The following ACR variants were observed in gnomAD, a reference collection of about 807,000 sequenced individuals.
ACR encodes acrosin light and heavy chain prepropeptide.
ACR carries 17 observed loss-of-function variants against 26.0 expected under a neutral mutation model. The ratio of observed to expected loss-of-function variants is 0.65; its 90% confidence interval spans 0.45 to 0.98. The LOEUF is 0.98. ACR is among the 50% of genes least tolerant of loss of function. The pLI, the probability that ACR is intolerant of heterozygous loss-of-function variation, is 0.00. For synonymous variants in ACR, 199 were observed against 207.7 expected, an observed-to-expected ratio of 0.96 and a Z score of 0.36; for missense variants, 435 against 519.3, an observed-to-expected ratio of 0.84 and a Z score of 1.58.
rs1064736 is a variant in ACR, at chr22:50,744,173, G to C, written c.678G>C (p.Ala226=). Residue 226 remains alanine, a synonymous_variant, in exon 4 of 5, where the codon GCG becomes GCC. Coordinates refer to ENST00000216139, the MANE Select transcript of ACR (RefSeq NM_001097.3). ...NGRVQPTNVC[A]GYPVGKIDTC... The stretch of plus-strand genomic sequence containing the variant: ...GCGTTCAGCCAACCAATGTGTGCGC[G>C]GGGTATCCTGTAGGCAAGATCGACA... 12 of 1,613,712 alleles carry C rather than the reference G, an allele frequency of 7.4e-6. No individual in the cohort carries two copies. Among genetic ancestry groups the C allele is most frequent in the Admixed American group, 1.7e-5 (1 of 60,004 alleles).
chr22:50,743,278 G>A (rs1020156327), intron 3 of ACR, among the ~76,000 whole-genome samples: 31 of 152,096 alleles, frequency 2.0e-4, no homozygotes, highest in Non-Finnish European at 1.2e-4. Flanking sequence ...CTCGTGATCC[G>A]CCCGCCTCGG....
chr22:50,743,883 C>T (rs992460071), intron 3 of ACR, among the ~76,000 whole-genome samples, 178 bp from the exon 4 acceptor site: 1 of 152,182 alleles, frequency 6.6e-6, no homozygotes, highest in African/African-American at 2.4e-5. Flanking sequence ...CATTTCCCCA[C>T]CTCCTCCCAC....
intron 3 of ACR, 43 bp downstream of exon 3, chr22:50,740,020 TCTC>T (rs1269783984): frequency 6.8e-6 from 11 of 1,610,372 alleles, no homozygotes; most frequent in Non-Finnish European, 9.3e-6. Flanking sequence ...TGCTGGCCAT[TCTC>T]CTGGTGGTCT....
chr22:50,741,716 C>T (rs2083425284), intron 3 of ACR, among the ~76,000 whole-genome samples: 1 of 151,488 alleles, frequency 6.6e-6, no homozygotes, highest in African/African-American at 2.4e-5. Flanking sequence ...CCCTTCAAAC[C>T]TTCCATGTCT....
chr22:50,745,188 A>T lies in ACR; in HGVS notation c.1247A>T (p.Glu416Val), dbSNP rs2083445154. ...HYDMETTELP[E>V]LTSTS is the part of the protein sequence containing the mutation. ...GACATGGAGACCACAGAGCTCCCAG[A>T]ACTGACCTCGACCTCCTGATCTGAC... Residue 416 changes from glutamate (E) to valine (V), a missense_variant, in exon 5 of 5, where the codon GAA becomes GTA. Around this residue, in one of 3 missense-constraint regions of ACR, gnomAD observed 92 missense variants for 87.8 expected, o/e 1.05. Coordinates refer to ENST00000216139, the MANE Select transcript of ACR (RefSeq NM_001097.3). 1 of 1,059,100 alleles carries T rather than the reference A, an allele frequency of 9.4e-7. No homozygotes were observed. The highest frequency in any genetic ancestry group is 1.3e-6 in the Non-Finnish European group (1 of 756,972). The allele number at this position is 1,059,100 out of a possible 1,614,324, so 65.6% of individuals were successfully genotyped here. A position where few individuals can be genotyped will look rare whatever the true frequency, so the allele number is the denominator to read the frequency against.
At chr22:50,743,741 G>A (rs2083436982) in intron 3 of ACR, among the ~76,000 whole-genome samples, 1 of 152,246 alleles carries the variant, frequency 6.6e-6, no homozygotes, top group East Asian at 1.9e-4. Context: ...TGCACACTAG[G>A]TGTTATTGGT....
Position 50,739,767 on chromosome 22 carries a change from C to T in ACR, c.355C>T (p.Pro119Ser), listed in dbSNP as rs2083415972. 1 of 1,583,914 alleles carries T rather than the reference C, an allele frequency of 6.3e-7. No homozygotes were observed. Among genetic ancestry groups the T allele is most frequent in the Non-Finnish European group, 8.6e-7 (1 of 1,168,120 alleles). The change falls in exon 3 of 5, where the codon CCT becomes TCT. Residue 119 changes from proline to serine, a missense_variant. Pro to Ser is a moderately conservative substitution (Grantham distance 74). Coordinates refer to ENST00000216139, the MANE Select transcript of ACR (RefSeq NM_001097.3). This position sits in a 1 kb window ranked among gnomAD's most constrained non-coding sequence, Gnocchi z 5.5. ...TGGGAACAATAAACCAGTAAAGGCG[C>T]CTCTGCAAGAGAGATATGTGGAGAA... ...TYGNNKPVKAPLQERYVEKII... is the reference protein window; with the variant it reads ...TYGNNKPVKASLQERYVEKII...
Position 50,739,350 on chromosome 22 carries a change from G to A in ACR, c.157G>A (p.Ala53Thr). 2 of 1,612,868 alleles carry A rather than the reference G, an allele frequency of 1.2e-6. No individual in the cohort carries two copies. Among genetic ancestry groups the A allele is most frequent in the Middle Eastern group, 3.3e-4 (2 of 6,060 alleles). ...IVGGKAAQHG[A>T]WPWMVSLQIF... Reference sequence around the variant, plus strand: ...CGGCGGGAAGGCTGCACAGCATGGGGCCTGGCCCTGGATGGTCAGCCTCCA... The same window carrying A: ...CGGCGGGAAGGCTGCACAGCATGGGACCTGGCCCTGGATGGTCAGCCTCCA... The change falls in exon 2 of 5, where the codon GCC (alanine) becomes ACC (threonine). Residue 53 changes from alanine (A) to threonine (T), a missense_variant. Ala to Thr is a moderately conservative substitution (Grantham distance 58). This residue lies in a region of ACR where 314 missense variants were observed against 372.0 expected (regional missense o/e 0.84). Transcript: ENST00000216139. This position sits in a 1 kb window ranked among gnomAD's most constrained non-coding sequence, Gnocchi z 5.5.
Position 50,739,601 on chromosome 22 carries a change from G to A in ACR, c.282-93G>A, listed in dbSNP as rs1210995231. 5.2e-6 allele frequency: 8 copies of A among 1,550,784 alleles called. No individual in the cohort carries two copies. The highest frequency in any genetic ancestry group is 2.3e-5 in the East Asian group (1 of 44,394). On this transcript the variant is annotated intron_variant, in intron 2 of 4. Coordinates refer to ENST00000216139, the MANE Select transcript of ACR (RefSeq NM_001097.3). The surrounding 1 kb of genome is among the most constrained non-coding windows in gnomAD (Gnocchi z 5.5). ...AAGTGGCTGCAAGACTCCGGGGGCT[G>A]GTCCAGACCTTTGCTAGGGGAAGGC...
chr22:50,740,729 A>G (rs1266622100), intron 3 of ACR: 2 of 702,378 alleles, frequency 2.8e-6, no homozygotes, highest in Admixed American at 4.0e-5. Context: ...CTCCCAGAAG[A>G]TCTCTTGCCC....
At chr22:50,743,138 C>T (rs1323717517) in intron 3 of ACR, among the ~76,000 whole-genome samples, 5 of 150,832 alleles carry the variant, frequency 3.3e-5, no homozygotes, top group African/African-American at 1.2e-4. Flanking sequence ...CGGGTTCACG[C>T]CATTCTCCTG....
At chr22:50,742,082 G>A (rs2083426728) in intron 3 of ACR, among the ~76,000 whole-genome samples, 1 of 152,010 alleles carries the variant, frequency 6.6e-6, no homozygotes, top group African/African-American at 2.4e-5. Context: ...GTTGCAGTGA[G>A]CCAAGATCAC....
rs372018336 is a variant in ACR at position 50,742,703 on chromosome 22, G to T, written c.566-1358G>T. Among the ~76,000 whole-genome samples, 192 of 152,274 alleles carry T rather than the reference G, an allele frequency of 1.3e-3. 1 individual carries two copies. The highest frequency in any genetic ancestry group is 6.8e-3 in the Middle Eastern group (2 of 294). ...TGGGGGCTAAGGGGATTAAAAAACGGAAAGCCAGCGAGCACTCGTTCAGCA... is the reference window on the plus strand; with the variant it reads ...TGGGGGCTAAGGGGATTAAAAAACGTAAAGCCAGCGAGCACTCGTTCAGCA... On this transcript the variant is annotated intron_variant, in intron 3 of 4. Transcript: ENST00000216139.
Position 50,739,596 on chromosome 22 carries a change from G to A in ACR, c.282-98G>A. The A allele has an allele frequency of 1.3e-6, 2 of 1,559,006 alleles. No individual in the cohort carries two copies. Among genetic ancestry groups the A allele is most frequent in the Non-Finnish European group, 8.7e-7 (1 of 1,146,866 alleles). On this transcript the variant is annotated intron_variant, in intron 2 of 4. Coordinates refer to ENST00000216139, the MANE Select transcript of ACR (RefSeq NM_001097.3). This position sits in a 1 kb window ranked among gnomAD's most constrained non-coding sequence, Gnocchi z 5.5. Reference sequence around the variant, plus strand: ...GGGCCAAGTGGCTGCAAGACTCCGGGGGCTGGTCCAGACCTTTGCTAGGGG... The same window carrying A: ...GGGCCAAGTGGCTGCAAGACTCCGGAGGCTGGTCCAGACCTTTGCTAGGGG...
At chr22:50,744,476 C>T (rs1269990711) in intron 4 of ACR, 177 bp from the exon 5 acceptor site, 1 of 992,312 alleles carries the variant, frequency 1.0e-6, no homozygotes, top group Non-Finnish European at 1.5e-6. Flanking sequence ...AATTCACACC[C>T]TCCTCACATC....
intron 3 of ACR, 191 bp downstream of exon 3, chr22:50,740,168 G>C (rs1305044499): frequency 1.3e-6 from 1 of 752,238 alleles, no homozygotes; most frequent in Admixed American, 2.0e-5. Flanking sequence ...TCGTCTGGCT[G>C]TCTACGGGGG....
intron 3 of ACR, among the ~76,000 whole-genome samples, chr22:50,743,742 T>C (rs1466819699): frequency 1.3e-5 from 2 of 152,086 alleles, no homozygotes; most frequent in Non-Finnish European, 2.9e-5. Context: ...GCACACTAGG[T>C]GTTATTGGTA....
At chr22:50,740,565 A>G (rs1449314888) in intron 3 of ACR, 30 of 702,060 alleles carry the variant, frequency 4.3e-5, no homozygotes, top group Admixed American at 1.2e-4. Context: ...TAGACTGGGA[A>G]GGGGACCGGT....
intron 3 of ACR, among the ~76,000 whole-genome samples, chr22:50,742,708 C>G (rs1418631036): frequency 6.6e-6 from 1 of 152,178 alleles, no homozygotes; most frequent in Non-Finnish European, 1.5e-5. Flanking sequence ...AAACGGAAAG[C>G]CAGCGAGCAC....
Sources: allele counts gnomAD v4.1 joint callset (sites outside exome capture counted in the v4.1 genomes callset), GRCh38; gene constraint gnomAD v4.1.1; regional missense constraint gnomAD v4.1.1; non-coding constraint Gnocchi (gnomAD v3.1); transcripts MANE v1.5; gene names NCBI Gene and HGNC (gene_info 2026-07-23, HGNC 2026-07-21).